The following RASA4B variants were observed in gnomAD, a reference collection of about 807,000 sequenced individuals.
RASA4B encodes the protein ras GTPase-activating protein 4B.
RASA4B carries 2 observed loss-of-function variants against 24.2 expected under a neutral mutation model. The ratio of observed to expected loss-of-function variants is 0.08; its 90% CI spans 0.03 to 0.26. The LOEUF (loss-of-function observed/expected upper bound fraction) is 0.26, where lower values mean the gene tolerates loss of function less well. RASA4B is among the 10% of genes least tolerant of loss of function. RASA4B has a pLI of 1.00. For missense variants in RASA4B, 8 were observed against 277.2 expected (o/e 0.03, Z 6.90); for synonymous variants, 2 against 125.6 (o/e 0.02, Z 6.58).
chr7:102,512,524 G>C (rs1156313242), intron 1 of RASA4B, among the ~76,000 whole-genome samples: 25 of 5,202 alleles, frequency 4.8e-3, no homozygotes, highest in African/African-American at 0.029. Flanking sequence ...TTAAGAGGGA[G>C]GGGGAGACTG....
At chr7:102,511,060 ATC>A (rs1272258694) in intron 2 of RASA4B, among the ~76,000 whole-genome samples, 1 of 128,822 alleles carries the variant, frequency 7.8e-6, no homozygotes, top group Non-Finnish European at 1.8e-5. Flanking sequence ...CAGACAGGTC[ATC>A]TGTTTCCCTT....
chr7:102,489,450 C>T (rs1395013425), intron 17 of RASA4B, among the ~76,000 whole-genome samples: 147 of 130,998 alleles, frequency 1.1e-3, no homozygotes, highest in African/African-American at 3.6e-3. Context: ...GAATGCCACC[C>T]ATCAGAGGTC....
intron 8 of RASA4B, among the ~76,000 whole-genome samples, chr7:102,498,096 G>C (rs1165279505): frequency 2.1e-4 from 26 of 121,664 alleles, no homozygotes; most frequent in African/African-American, 7.0e-4. Context: ...ATGGGGTCTT[G>C]CTATGTTGCC....
chr7:102,502,465 CA>C (rs1269463555), intron 6 of RASA4B, among the ~76,000 whole-genome samples: 3 of 70,238 alleles, frequency 4.3e-5, no homozygotes, highest in African/African-American at 1.0e-4. Flanking sequence ...GCAAAACAAA[CA>C]AAAAACACAG....
chr7:102,504,716 C>A lies in RASA4B; in HGVS notation c.429-1472G>T, dbSNP rs948623108. Among the ~76,000 whole-genome samples the A allele has an allele frequency of 4.9e-3, 273 of 55,516 alleles. 1 individual carries two copies. Among genetic ancestry groups the A allele is most frequent in the Non-Finnish European group, 9.0e-3 (234 of 26,132 alleles). 36.4% of individuals were successfully genotyped at this position (55,516 alleles called of 152,430 possible). ...AAAAACCCACCAAAAAAAAAAAAAACAGCCCGGGTGCAGTGGCTCACGCCT... is the reference window on the plus strand; with the variant it reads ...AAAAACCCACCAAAAAAAAAAAAAAAAGCCCGGGTGCAGTGGCTCACGCCT... On this transcript the variant is annotated intron_variant, in intron 5 of 20. Transcript: ENST00000465829.
At position 102,480,056 on chromosome 7, in the gene RASA4B, G is replaced by C. The variant is rs1446317753; in HGVS notation, c.*3536C>G. 6.6e-6 allele frequency among the ~76,000 whole-genome samples: 1 copy of C among 152,048 alleles called. No homozygotes were observed. The highest frequency in any genetic ancestry group is 2.4e-5 in the African/African-American group (1 of 41,414). ...AACCTAGGAAACACCAGGCCATACAGAGATAGGAGCTGAGGGGACAATGAG... is the reference window on the plus strand; with the variant it reads ...AACCTAGGAAACACCAGGCCATACACAGATAGGAGCTGAGGGGACAATGAG... On this transcript the variant is annotated 3_prime_UTR_variant, in exon 21 of 21. Transcript: ENST00000465829.
Position 102,500,693 on chromosome 7 carries a change from A to T in RASA4B, c.737+6T>A, listed in dbSNP as rs138200726. The T allele has an allele frequency of 0.35, 37,862 of 109,526 alleles. 2,761 individuals carry two copies. The highest frequency in any genetic ancestry group is 0.51 in the East Asian group (3,560 of 6,952). 6.8% of individuals were successfully genotyped at this position (109,526 alleles called of 1,614,324 possible). A position where few individuals can be genotyped will look rare whatever the true frequency, so the allele number is the denominator to read the frequency against. On this transcript the variant is annotated splice_donor_region_variant and intron_variant, in intron 8 of 20. Coordinates refer to ENST00000465829, the MANE Select transcript of RASA4B (RefSeq NM_001367767.2). ...TGAGGCCGGCTGCCCAGCTCCATGCACTTACTCGTCATGCCGCCGGCTCTT... is the reference window on the plus strand; with the variant it reads ...TGAGGCCGGCTGCCCAGCTCCATGCTCTTACTCGTCATGCCGCCGGCTCTT...
At chr7:102,512,886 G>A (rs1799747630) in intron 1 of RASA4B, among the ~76,000 whole-genome samples, 1 of 148,746 alleles carries the variant, frequency 6.7e-6, no homozygotes, top group Non-Finnish European at 1.5e-5. Flanking sequence ...GAGGGGTGGA[G>A]AGGGAGAGGG....
At chr7:102,484,868 C>T (rs1432381854) in intron 19 of RASA4B, among the ~76,000 whole-genome samples, 171 bp downstream of exon 19, 52 of 120,346 alleles carry the variant, frequency 4.3e-4, no homozygotes, top group Middle Eastern at 4.5e-3. Context: ...AGGCATGGCC[C>T]TGACCCTTGG....
chr7:102,490,338 T>TA (rs2133308563), intron 17 of RASA4B, among the ~76,000 whole-genome samples: 1 of 123,172 alleles, frequency 8.1e-6, no homozygotes, highest in Non-Finnish European at 1.8e-5. Context: ...ACCACACAGG[T>TA]GCCAGCTCAG....
At position 102,496,150 on chromosome 7, in the gene RASA4B, G is replaced by C. The variant is rs1453909028; in HGVS notation, c.1061C>G (p.Ser354Cys). 6.2e-7 allele frequency: 1 copy of C among 1,613,780 alleles called. No homozygotes were observed. Among genetic ancestry groups the C allele is most frequent in the Non-Finnish European group, 8.5e-7 (1 of 1,179,818 alleles). ...AGCATGCAACCTCACCTTCAGAAAA[G>C]ACTCCACGGACTTTGAGGCCAGAGA... ...SNSLASKSVE[S>C]FLKVAGMQYL... The change falls in exon 11 of 21, where the codon TCT becomes TGT. Residue 354 changes from serine (S) to cysteine (C), a missense_variant. Physicochemically the swap from Ser to Cys is moderately radical, Grantham distance 112. Transcript: ENST00000465829.
chr7:102,490,782 CAGCACCCAGGGCATTCCCAT>C (rs1586763503), intron 17 of RASA4B, among the ~76,000 whole-genome samples, 184 bp downstream of exon 17: 2 of 25,700 alleles, frequency 7.8e-5, no homozygotes, highest in Non-Finnish European at 2.1e-4. Flanking sequence ...GCCATTCCCA[CAGCACCCAGGGCATTCCCAT>C]AGCATCCAGG....
At position 102,512,687 on chromosome 7, in the gene RASA4B, CAG is replaced by C. The variant is rs1275317554; in HGVS notation, c.66-708_66-707del. 7.0e-4 allele frequency among the ~76,000 whole-genome samples: 78 copies of C among 111,556 alleles called. No homozygotes were observed. In the East Asian group the frequency reaches 0.019, roughly 27 times the overall value. 73.2% of individuals were successfully genotyped at this position (111,556 alleles called of 152,430 possible). The stretch of plus-strand genomic sequence containing the variant: ...GAGAGTAAGAGGAAGGAGAGTAAGA[CAG>C]AGGGGGAGACTGAGGGGGTGAGAGA... On this transcript the variant is annotated intron_variant, in intron 1 of 20. Transcript: ENST00000465829.
intron 15 of RASA4B, among the ~76,000 whole-genome samples, chr7:102,493,521 T>C (rs778941106): frequency 1.5e-3 from 51 of 33,362 alleles, no homozygotes; most frequent in African/African-American, 2.3e-3. Flanking sequence ...CACGCGTCAG[T>C]AGCAGGTGGC....
At chr7:102,500,396 C>T (rs1305695681) in intron 8 of RASA4B, among the ~76,000 whole-genome samples, 204 of 126,300 alleles carry the variant, frequency 1.6e-3, no homozygotes, top group African/African-American at 5.3e-3. Flanking sequence ...GGCGTGAACC[C>T]GGGAGGCGGA....
intron 19 of RASA4B, among the ~76,000 whole-genome samples, chr7:102,484,612 A>C (rs1798644324): frequency 8.3e-6 from 1 of 121,156 alleles, no homozygotes; most frequent in Non-Finnish European, 1.8e-5. Flanking sequence ...ATCACCTTGA[A>C]GTATCCTGGC....
At chr7:102,511,683 T>C (rs1799700646) in intron 2 of RASA4B, among the ~76,000 whole-genome samples, 2 of 37,086 alleles carry the variant, frequency 5.4e-5, no homozygotes, top group Admixed American at 3.1e-4. Context: ...GAGGTTGTGA[T>C]GATTGCAAAG....
At position 102,493,627 on chromosome 7, in the gene RASA4B, G is replaced by A. The variant is rs1234984098; in HGVS notation, c.1660+198C>T. Among the ~76,000 whole-genome samples, 19 of 45,860 alleles carry A rather than the reference G, an allele frequency of 4.1e-4. 2 individuals are homozygous for A. Among genetic ancestry groups the A allele is most frequent in the African/African-American group, 6.7e-4 (19 of 28,244 alleles). 30.1% of individuals were successfully genotyped at this position (45,860 alleles called of 152,430 possible). A position where few individuals can be genotyped will look rare whatever the true frequency, so the allele number is the denominator to read the frequency against. On this transcript the variant is annotated intron_variant, in intron 15 of 20. Transcript: ENST00000465829. ...GTCTAGGGCTGGGGCAAACGTCAAC[G>A]GCAGGCAGTGGGCAGGGTCACAGGA...
intron 17 of RASA4B, among the ~76,000 whole-genome samples, chr7:102,489,494 A>AATTT (rs1247505504): frequency 1.2e-3 from 149 of 123,226 alleles, no homozygotes; most frequent in East Asian, 5.7e-3. Context: ...TTTACTAATT[A>AATTT]ATTTATTTAT....
Sources: gnomAD v4.1 joint callset for allele counts (sites outside exome capture counted in the v4.1 genomes callset) on GRCh38, gnomAD v4.1.1 for gene constraint, MANE v1.5 for transcripts, NCBI Gene and HGNC (gene_info 2026-07-23, HGNC 2026-07-21) for gene names.